Variants in PTPRU observed in about 807,000 individuals in gnomAD.
PTPRU encodes the protein receptor-type tyrosine-protein phosphatase U.
A neutral mutation model predicts 166.3 loss-of-function variants in PTPRU; 69 were observed. That is an observed-to-expected ratio of 0.41 (90% confidence interval 0.34 to 0.51). The LOEUF (loss-of-function observed/expected upper bound fraction) is 0.51. Ranked by LOEUF, PTPRU falls within the 20% of genes least tolerant of loss-of-function variation. PTPRU has a pLI of 0.09. For missense variants in PTPRU, 1,657 were observed against 2,013.7 expected (o/e 0.82, Z 3.39); for synonymous variants, 793 against 814.0 (o/e 0.97, Z 0.44).
In PTPRU at chr1:29,320,760, G is replaced by C; in HGVS notation, c.3763G>C (p.Val1255Leu). The change falls in exon 26 of 30, where the codon GTC (valine) becomes CTC (leucine). Residue 1255 changes from valine (V) to leucine (L), a missense_variant. By Grantham distance (32) the Val-to-Leu change is conservative. Transcript: ENST00000373779. The surrounding 1 kb of genome is among the most constrained non-coding windows in gnomAD (Gnocchi z 5.2). Reference protein sequence around the residue: ...QSTTPDFWRLVYDYGCTSIVM... With the variant: ...QSTTPDFWRLLYDYGCTSIVM... ...CACCACGCCCGACTTCTGGCGGCTG[G>C]TCTACGATTACGGGTGCACCTCCAT... 1 of 1,608,832 alleles carries C rather than the reference G, an allele frequency of 6.2e-7. No homozygotes were observed. The highest frequency in any genetic ancestry group is 8.5e-7 in the Non-Finnish European group (1 of 1,175,910).
chr1:29,279,144 G>A lies in PTPRU; in HGVS notation c.1563+23G>A. On this transcript the variant is annotated intron_variant, in intron 9 of 29. Transcript: ENST00000373779. This position sits in a 1 kb window ranked among gnomAD's most constrained non-coding sequence, Gnocchi z 5.2. ...GAGGTGGGTTTGGGACCCTATTACA[G>A]TGGGGGACCCTGGTGGAAGGTGAGA... The A allele has an allele frequency of 6.5e-7, 1 of 1,527,740 alleles. No homozygotes were observed. The highest frequency in any genetic ancestry group is 8.9e-7 in the Non-Finnish European group (1 of 1,123,818). 94.6% of individuals were successfully genotyped at this position (1,527,740 alleles called of 1,614,324 possible).
Position 29,282,691 on chromosome 1 carries a change from T to C in PTPRU, c.1884T>C (p.Ile628=). 1 of 1,612,608 alleles carries C rather than the reference T, an allele frequency of 6.2e-7. No individual in the cohort carries two copies. The highest frequency in any genetic ancestry group is 8.5e-7 in the Non-Finnish European group (1 of 1,179,872). Residue 628 remains isoleucine, a synonymous_variant, in exon 12 of 30, where the codon ATT becomes ATC. Coordinates refer to ENST00000373779, the MANE Select transcript of PTPRU (RefSeq NM_133178.4). ...CCCTGTCCAGTGTGTACCAGGTGATTGTGGAGGAGGAGCGGGCGCGGAGGC... is the reference window on the plus strand; with the variant it reads ...CCCTGTCCAGTGTGTACCAGGTGATCGTGGAGGAGGAGCGGGCGCGGAGGC... ...RGAPISVYQV[I]VEEERARRLR...
At chr1:29,299,534 G>A (rs1687045220) in intron 15 of PTPRU, among the ~76,000 whole-genome samples, 2 of 152,152 alleles carry the variant, frequency 1.3e-5, no homozygotes. Context: ...GTTATTCTTA[G>A]GCTCAGCTGT....
chr1:29,323,524 G>C (rs749350511), intron 27 of PTPRU, 28 bp downstream of exon 27: 1 of 1,612,230 alleles, frequency 6.2e-7, no homozygotes, highest in Non-Finnish European at 8.5e-7. Flanking sequence ...CCCCAGGGAA[G>C]GACCCTGGGT....
chr1:29,277,881 C>G (rs1250461258), intron 8 of PTPRU, among the ~76,000 whole-genome samples: 8 of 124,584 alleles, frequency 6.4e-5, no homozygotes, highest in African/African-American at 2.5e-4. Flanking sequence ...AGCAGTGGTG[C>G]AATCTCAACT....
In PTPRU at chr1:29,237,912, C is replaced by T. The variant is rs553080000; in HGVS notation, c.73+1195C>T. 2.8e-4 allele frequency among the ~76,000 whole-genome samples: 42 copies of T among 148,746 alleles called. No individual in the cohort carries two copies. Among genetic ancestry groups the T allele is most frequent in the Middle Eastern group, 3.4e-3 (1 of 290 alleles). On this transcript the variant is annotated intron_variant, in intron 1 of 29. Transcript: ENST00000373779. This position sits in a 1 kb window ranked among gnomAD's most constrained non-coding sequence, Gnocchi z 6.4. The stretch of plus-strand genomic sequence containing the variant: ...CTGTCCCCGGGCTGGGCTGCGACGT[C>T]CGGGCGCGGGCAGGGCCTGGCTCGC...
At chr1:29,254,214 C>T (rs1471805560) in intron 1 of PTPRU, among the ~76,000 whole-genome samples, 1 of 152,190 alleles carries the variant, frequency 6.6e-6, no homozygotes, top group Non-Finnish European at 1.5e-5. Flanking sequence ...ATGCCTCAGG[C>T]TCCTGATGGG....
At chr1:29,309,786 G>A (rs953153029) in intron 18 of PTPRU, among the ~76,000 whole-genome samples, 19 of 152,234 alleles carry the variant, frequency 1.2e-4, no homozygotes, top group African/African-American at 4.6e-4. Flanking sequence ...TGGCCCCTGG[G>A]CTCCTCAGGC....
intron 15 of PTPRU, among the ~76,000 whole-genome samples, chr1:29,299,314 A>G (rs984841069): frequency 6.6e-6 from 1 of 152,040 alleles, no homozygotes; most frequent in Admixed American, 6.5e-5. Flanking sequence ...AGAGTCCCAA[A>G]GTGGAGACTT....
chr1:29,297,741 A>C lies in PTPRU; in HGVS notation c.2476+5715A>C, dbSNP rs575731588. Among the ~76,000 whole-genome samples, 246 of 152,334 alleles carry C rather than the reference A, an allele frequency of 1.6e-3. 1 individual carries two copies. The highest frequency in any genetic ancestry group is 5.8e-3 in the African/African-American group (241 of 41,580). On this transcript the variant is annotated intron_variant, in intron 15 of 29. Transcript: ENST00000373779. Reference sequence around the variant, plus strand: ...TGAGAGACAGAGAGAGGCAGGAAACATGGGCTCTGCTCCTGGGATTCACTG... The same window carrying C: ...TGAGAGACAGAGAGAGGCAGGAAACCTGGGCTCTGCTCCTGGGATTCACTG...
At position 29,279,336 on chromosome 1, in the gene PTPRU, A is replaced by C; in HGVS notation, c.1564-120A>C. On this transcript the variant is annotated intron_variant, in intron 9 of 29. Transcript: ENST00000373779. This position sits in a 1 kb window ranked among gnomAD's most constrained non-coding sequence, Gnocchi z 5.2. ...ATGACTAGAAGCCTGGCTTGATGGC[A>C]TCCATAGTCTCCTTTGCTTAGCCTT... 2 of 1,191,066 alleles carry C rather than the reference A, an allele frequency of 1.7e-6. No homozygotes were observed. Among genetic ancestry groups the C allele is most frequent in the East Asian group, 5.0e-5 (2 of 39,988 alleles). 73.8% of individuals were successfully genotyped at this position (1,191,066 alleles called of 1,614,324 possible). A position where few individuals can be genotyped will look rare whatever the true frequency, so the allele number is the denominator to read the frequency against.
At chr1:29,252,233 G>C (rs1426203701) in intron 1 of PTPRU, among the ~76,000 whole-genome samples, 1 of 151,214 alleles carries the variant, frequency 6.6e-6, no homozygotes, top group Non-Finnish European at 1.5e-5. Flanking sequence ...GAGCCCCTTT[G>C]TGCCTGGCTC....
chr1:29,267,851 G>A (rs1285678418), intron 7 of PTPRU, among the ~76,000 whole-genome samples: 2 of 152,222 alleles, frequency 1.3e-5, no homozygotes, highest in Non-Finnish European at 2.9e-5. Flanking sequence ...CCAGGGAGGA[G>A]GCTACTGCAA....
chr1:29,281,120 G>T (rs892558643), intron 11 of PTPRU, among the ~76,000 whole-genome samples: 1 of 152,236 alleles, frequency 6.6e-6, no homozygotes, highest in Non-Finnish European at 1.5e-5. Context: ...CTTTAGGTGG[G>T]GGGGGTGTGA....
chr1:29,255,582 A>G (rs1684744604), intron 2 of PTPRU, among the ~76,000 whole-genome samples, 176 bp downstream of exon 2: 2 of 152,192 alleles, frequency 1.3e-5, no homozygotes, highest in Admixed American at 1.3e-4. Context: ...CTAATTGTGC[A>G]TGTCAGCTAG....
rs1687983956 is a variant in PTPRU, at chr1:29,318,049, C to CTG, written c.3687+135_3687+136dup. 19 of 1,230,916 alleles carry CTG rather than the reference C, an allele frequency of 1.5e-5. No homozygotes were observed. The South Asian group carries it at 2.8e-4, about 18-fold the overall frequency. 76.2% of individuals were successfully genotyped at this position (1,230,916 alleles called of 1,614,324 possible). A position where few individuals can be genotyped will look rare whatever the true frequency, so the allele number is the denominator to read the frequency against. ...CCCCTGCCCATTCTGGGGAACAGGC[C>CTG]TGTGTGTGACCCTCCTACTCCTAGG... On this transcript the variant is annotated intron_variant, in intron 25 of 29. Coordinates refer to ENST00000373779, the MANE Select transcript of PTPRU (RefSeq NM_133178.4).
rs1238916245 is a variant in PTPRU, at chr1:29,320,095, C to G, written c.3688-590C>G. 1 of 152,240 alleles carries G rather than the reference C, an allele frequency of 6.6e-6. No individual in the cohort carries two copies. The highest frequency in any genetic ancestry group is 1.5e-5 in the Non-Finnish European group (1 of 68,074). The allele number at this position is 152,240 out of a possible 1,614,324, so 9.4% of individuals were successfully genotyped here. On this transcript the variant is annotated intron_variant, in intron 25 of 29. Coordinates refer to ENST00000373779, the MANE Select transcript of PTPRU (RefSeq NM_133178.4). This position sits in a 1 kb window ranked among gnomAD's most constrained non-coding sequence, Gnocchi z 5.2. ...CTGGGTGGAGACCATACCCTAGAAG[C>G]TCTGCTCTCCTGAACCTTGCTTTTA...
At chr1:29,272,415 G>A (rs1375899363) in intron 7 of PTPRU, among the ~76,000 whole-genome samples, 1 of 152,126 alleles carries the variant, frequency 6.6e-6, no homozygotes, top group East Asian at 1.9e-4. Context: ...TGTATAACTG[G>A]AGACATGCTG....
chr1:29,267,541 C>T (rs914319368), intron 7 of PTPRU, among the ~76,000 whole-genome samples: 2 of 152,038 alleles, frequency 1.3e-5, no homozygotes, highest in African/African-American at 4.8e-5. Context: ...CTGGGGGAAG[C>T]AAGCACCAGC....
Sources: allele counts gnomAD v4.1 joint callset (sites outside exome capture counted in the v4.1 genomes callset), GRCh38; gene constraint gnomAD v4.1.1; non-coding constraint Gnocchi (gnomAD v3.1); transcripts MANE v1.5; gene names NCBI Gene and HGNC (gene_info 2026-07-23, HGNC 2026-07-21).